NAV1: variants seen among roughly 807,000 people sequenced by gnomAD.
NAV1 encodes the protein pore membrane and/or filament interacting like protein 3.
Under a neutral mutation model 175.2 loss-of-function variants are expected in NAV1, and 18 were observed. The ratio of observed to expected loss-of-function variants is 0.10; its 90% confidence interval spans 0.07 to 0.15. NAV1 has a LOEUF of 0.15. NAV1 is among the 10% of genes least tolerant of loss of function. NAV1 has a pLI of 1.00. For missense variants in NAV1, 1,731 were observed against 2,436.6 expected (o/e 0.71, Z 6.10); for synonymous variants, 897 against 978.7 (o/e 0.92, Z 1.56).
chr1:201,646,263 T>G (rs1668975948), upstream of NAV1, among the ~76,000 whole-genome samples: 2 of 152,308 alleles, frequency 1.3e-5, no homozygotes, highest in African/African-American at 4.8e-5. Flanking sequence ...CCCCTGAGTT[T>G]CCTAATGCTC....
intron 3 of NAV1, among the ~76,000 whole-genome samples, chr1:201,727,492 C>T (rs911904574): frequency 6.6e-6 from 1 of 152,204 alleles, no homozygotes; most frequent in Non-Finnish European, 1.5e-5. Flanking sequence ...CACAGAGTCA[C>T]ACAAGTGACC....
intron 3 of NAV1, among the ~76,000 whole-genome samples, chr1:201,727,447 A>G (rs931398422): frequency 6.6e-6 from 1 of 152,218 alleles, no homozygotes; most frequent in African/African-American, 2.4e-5. Context: ...TGAGTATAGC[A>G]TGTGCTTATT....
At chr1:201,702,732 CCCCA>C (rs1671492122) in intron 1 of NAV1, among the ~76,000 whole-genome samples, 3 of 133,944 alleles carry the variant, frequency 2.2e-5, no homozygotes, top group African/African-American at 8.4e-5. Flanking sequence ...CTCTCTCTCT[CCCCA>C]TTCTGACTAG....
chr1:201,733,718 G>C (rs1278471571), intron 3 of NAV1, among the ~76,000 whole-genome samples: 1 of 152,140 alleles, frequency 6.6e-6, no homozygotes, highest in Non-Finnish European at 1.5e-5. Context: ...GAGCTGTCCA[G>C]GCAGACAGAA....
At chr1:201,792,555 G>A (rs376576693) in intron 13 of NAV1, 13 of 152,286 alleles carry the variant, frequency 8.5e-5, no homozygotes, top group East Asian at 3.8e-4. Context: ...GAGCATACAG[G>A]GGTTCTTGGG....
At chr1:201,815,660 A>T (rs1329987969) in intron 28 of NAV1, among the ~76,000 whole-genome samples, 1 of 152,174 alleles carries the variant, frequency 6.6e-6, no homozygotes, top group African/African-American at 2.4e-5. Context: ...AGTTCAAGAG[A>T]TATATTGTAC....
rs764701784 is a variant in NAV1 at position 201,808,693 on chromosome 1, C to T, written c.4039-10C>T. 6.2e-7 allele frequency: 1 copy of T among 1,614,244 alleles called. No homozygotes were observed. The highest frequency in any genetic ancestry group is 1.1e-5 in the South Asian group (1 of 91,088). Reference sequence around the variant, plus strand: ...AGTCTGCCACCCTACCCTGTCTGTTCTTGCCACAGTTGGAGGTGGACCTGC... The same window carrying T: ...AGTCTGCCACCCTACCCTGTCTGTTTTTGCCACAGTTGGAGGTGGACCTGC... On this transcript the variant is annotated splice_polypyrimidine_tract_variant and intron_variant, in intron 19 of 29. Coordinates refer to ENST00000367296, the Ensembl canonical transcript of NAV1. This position sits in a 1 kb window ranked among gnomAD's most constrained non-coding sequence, Gnocchi z 5.5.
intron 28 of NAV1, among the ~76,000 whole-genome samples, chr1:201,815,973 G>A (rs1679006767): frequency 6.6e-6 from 1 of 152,060 alleles, no homozygotes. Flanking sequence ...CCCAGCCTCA[G>A]GCGATCTTCC....
chr1:201,631,730 G>C (rs11803699), intron 2 of NAV1, among the ~76,000 whole-genome samples: 42,937 of 152,218 alleles, frequency 0.28, 6,576 homozygotes, highest in African/African-American at 0.4. Flanking sequence ...GGGTGCTTTG[G>C]AGAGTACTCC....
intron 2 of NAV1, among the ~76,000 whole-genome samples, chr1:201,604,730 GAA>G (rs1397400662): frequency 7.1e-6 from 1 of 140,900 alleles, no homozygotes; most frequent in African/African-American, 2.8e-5. Context: ...GAAAGAGAAA[GAA>G]AGAAAGAAAG....
At chr1:201,547,346 A>T (rs1665703898) in intron 1 of NAV1, among the ~76,000 whole-genome samples, 1 of 152,182 alleles carries the variant, frequency 6.6e-6, no homozygotes, top group South Asian at 2.1e-4. Context: ...TTAGTACTGG[A>T]TTTAACAGAA....
At chr1:201,580,857 G>A (rs1438961470) in intron 1 of NAV1, among the ~76,000 whole-genome samples, 1 of 152,232 alleles carries the variant, frequency 6.6e-6, no homozygotes, top group East Asian at 1.9e-4. Context: ...GTTGGGGGAA[G>A]AATGGTTTCT....
intron 13 of NAV1, chr1:201,791,759 TATTCTCTCG>T (rs1211955575): frequency 6.6e-6 from 1 of 152,250 alleles, no homozygotes; most frequent in East Asian, 1.9e-4. Flanking sequence ...CCACACTAGT[TATTCTCTCG>T]ATTCTCTTTT....
chr1:201,641,691 G>A (rs1471194114), intron 2 of NAV1, among the ~76,000 whole-genome samples: 3 of 152,194 alleles, frequency 2.0e-5, no homozygotes, highest in Non-Finnish European at 4.4e-5. Flanking sequence ...TTGTCACTGA[G>A]TTGGGCAGTG....
chr1:201,570,086 T>G (rs1666486611), intron 1 of NAV1, among the ~76,000 whole-genome samples: 1 of 152,166 alleles, frequency 6.6e-6, no homozygotes, highest in African/African-American at 2.4e-5. Context: ...TCATCCGGGG[T>G]GAGCGCTTCT....
At chr1:201,706,923 G>C (rs1671695206) in intron 1 of NAV1, among the ~76,000 whole-genome samples, 1 of 152,118 alleles carries the variant, frequency 6.6e-6, no homozygotes, top group Non-Finnish European at 1.5e-5. Flanking sequence ...CTGAATTTTG[G>C]GGGGTTATTA....
chr1:201,677,250 C>CAAAAAAA (rs3053786), intron 1 of NAV1, among the ~76,000 whole-genome samples: 2 of 110,702 alleles, frequency 1.8e-5, no homozygotes, highest in African/African-American at 3.5e-5. Context: ...GACTCCATCT[C>CAAAAAAA]AAAAAAAAAA....
chr1:201,825,055 T>C (rs574295296), exon 30 of NAV1: 1 of 152,338 alleles, frequency 6.6e-6, no homozygotes, highest in Admixed American at 6.5e-5. Context: ...AATTTCAAAG[T>C]CACCTTTCTC....
intron 28 of NAV1, among the ~76,000 whole-genome samples, chr1:201,815,625 T>TA (rs1334513192): frequency 6.6e-6 from 1 of 152,200 alleles, no homozygotes; most frequent in Non-Finnish European, 1.5e-5. Flanking sequence ...AGTCAAAGGA[T>TA]ACAAAATTTC....
Sources: allele counts gnomAD v4.1 joint callset (sites outside exome capture counted in the v4.1 genomes callset), GRCh38; gene constraint gnomAD v4.1.1; non-coding constraint Gnocchi (gnomAD v3.1); transcripts MANE v1.5; gene names NCBI Gene and HGNC (gene_info 2026-07-23, HGNC 2026-07-21).